Variants in KALRN observed in about 807,000 individuals in gnomAD.
KALRN encodes kalirin RhoGEF kinase.
KALRN carries 70 observed loss-of-function variants against 353.7 expected under a neutral mutation model. The observed-to-expected ratio is 0.20, with a 90% CI of 0.16 to 0.24. The LOEUF (loss-of-function observed/expected upper bound fraction) is 0.24, where lower values mean the gene tolerates loss of function less well. KALRN is among the 10% of genes least tolerant of loss of function. KALRN has a pLI of 1.00. For synonymous variants in KALRN, 1,391 were observed against 1,434.8 expected, an observed-to-expected ratio of 0.97 and a Z score of 0.69; for missense variants, 2,791 against 3,756.7, an observed-to-expected ratio of 0.74 and a Z score of 6.72.
chr3:124,375,132 AGGAGT>A (rs1261122847), intron 10 of KALRN, among the ~76,000 whole-genome samples: 1 of 152,132 alleles, frequency 6.6e-6, no homozygotes, highest in Non-Finnish European at 1.5e-5. Flanking sequence ...GGGTGACCAG[AGGAGT>A]GGAGATTATG....
chr3:124,358,199 A>G (rs1482022689), intron 10 of KALRN, among the ~76,000 whole-genome samples: 2 of 152,212 alleles, frequency 1.3e-5, no homozygotes, highest in African/African-American at 4.8e-5. Flanking sequence ...AAGCTAAAAA[A>G]AAATTCAGAT....
intron 6 of KALRN, among the ~76,000 whole-genome samples, chr3:124,299,558 G>C (rs2077102095): frequency 6.6e-6 from 1 of 152,168 alleles, no homozygotes; most frequent in Non-Finnish European, 1.5e-5. Context: ...AACACTCAGA[G>C]AGGGATGTTT....
Position 124,659,471 on chromosome 3 carries a change from A to G in KALRN, c.6216+14A>G, listed in dbSNP as rs756427570. 2 of 1,559,418 alleles carry G rather than the reference A, an allele frequency of 1.3e-6. No homozygotes were observed. Among genetic ancestry groups the G allele is most frequent in the Non-Finnish European group, 1.8e-6 (2 of 1,130,384 alleles). On this transcript the variant is annotated intron_variant, in intron 43 of 59. Transcript: ENST00000682506. ...TTGCTCCTCAAGGTAAGAAGCTGGG[A>G]GCCTGGGTGAGGGCTGGAGAAGGAT...
At chr3:124,665,553 C>G (rs566302585) in intron 45 of KALRN, among the ~76,000 whole-genome samples, 2 of 152,320 alleles carry the variant, frequency 1.3e-5, no homozygotes, top group Non-Finnish European at 2.9e-5. Context: ...CAACCTCTGC[C>G]TCCCAGGTTC....
chr3:124,034,225 G>A (rs1404984410), intron 1 of KALRN, among the ~76,000 whole-genome samples: 1 of 152,194 alleles, frequency 6.6e-6, no homozygotes, highest in Non-Finnish European at 1.5e-5. Context: ...GCCGCCCTGG[G>A]TCGGCACCCC....
intron 1 of KALRN, among the ~76,000 whole-genome samples, chr3:124,192,321 C>G (rs1268971023): frequency 6.6e-6 from 1 of 151,782 alleles, no homozygotes; most frequent in Non-Finnish European, 1.5e-5. Flanking sequence ...ATCTAAAAAT[C>G]AAAACAATTA....
At chr3:124,676,345 A>C (rs1309233480) in intron 49 of KALRN, among the ~76,000 whole-genome samples, 1 of 152,238 alleles carries the variant, frequency 6.6e-6, no homozygotes, top group South Asian at 2.1e-4. Context: ...GTCAGCATTT[A>C]CCAGTGGAGG....
chr3:124,413,129 T>G (rs2092293522), intron 13 of KALRN, among the ~76,000 whole-genome samples: 1 of 151,344 alleles, frequency 6.6e-6, no homozygotes, highest in African/African-American at 2.4e-5. Context: ...TCCTAGAATA[T>G]GGACCTGGAG....
chr3:124,650,880 C>A lies in KALRN; in HGVS notation c.5737C>A (p.Pro1913Thr). Residue 1913 changes from proline to threonine, a missense_variant, in exon 38 of 60, where the codon CCC becomes ACC. Coordinates refer to ENST00000682506, the MANE Select transcript of KALRN (RefSeq NM_001388419.1). ...AGCLNEGMAP[P>T]TPPKNPEEEQ... ...CTGCCTGAATGAGGGGATGGCCCCA[C>A]CCACACCTCCTAAAAACCCAGAAGA... 1.2e-6 allele frequency: 2 copies of A among 1,614,208 alleles called. No homozygotes were observed. The highest frequency in any genetic ancestry group is 8.5e-7 in the Non-Finnish European group (1 of 1,180,028).
intron 23 of KALRN, among the ~76,000 whole-genome samples, chr3:124,457,449 C>T (rs963257277): frequency 6.6e-6 from 1 of 152,174 alleles, no homozygotes; most frequent in Non-Finnish European, 1.5e-5. Context: ...AAAAACTTCC[C>T]ATAGCTTTCC....
In KALRN at chr3:124,384,917, G is replaced by A. The variant is rs765575292; in HGVS notation, c.1843G>A (p.Glu615Lys). The A allele has an allele frequency of 3.1e-6, 5 of 1,613,460 alleles. No individual in the cohort carries two copies. Among genetic ancestry groups the A allele is most frequent in the Non-Finnish European group, 3.4e-6 (4 of 1,179,760 alleles). Residue 615 changes from glutamate to lysine, a missense_variant, in exon 11 of 60, where the codon GAG becomes AAG. By Grantham distance (56) the Glu-to-Lys change is moderately conservative. Around this residue, in one of 11 missense-constraint regions of KALRN, gnomAD observed 452 missense variants for 575.8 expected, o/e 0.78. Transcript: ENST00000682506. ...GGCTCAGACGGGGGAATGTGACCCC[G>A]AGGAGATCTACAAGGCAGCTCGACA... The part of the protein sequence containing the change: ...QLAQTGECDP[E>K]EIYKAARHLE...
chr3:124,197,278 G>A (rs2075537429), intron 1 of KALRN, among the ~76,000 whole-genome samples: 1 of 152,152 alleles, frequency 6.6e-6, no homozygotes. Context: ...TTGGTTTCCT[G>A]AACATCCATG....
chr3:124,635,060 C>T (rs1308322390), intron 36 of KALRN, among the ~76,000 whole-genome samples: 3 of 152,168 alleles, frequency 2.0e-5, no homozygotes, highest in Non-Finnish European at 4.4e-5. Flanking sequence ...GTGGCAGCTG[C>T]CCCCATGATG....
chr3:124,282,307 G>T (rs2075415232), intron 5 of KALRN, among the ~76,000 whole-genome samples: 1 of 151,934 alleles, frequency 6.6e-6, no homozygotes, highest in African/African-American at 2.4e-5. Context: ...AAAAGTGAAA[G>T]AAGTGATTAT....
At chr3:124,240,531 C>G (rs2080304120) in intron 3 of KALRN, among the ~76,000 whole-genome samples, 1 of 152,124 alleles carries the variant, frequency 6.6e-6, no homozygotes. Flanking sequence ...CTGTGGCCTT[C>G]AGTGGAAGAT....
intron 45 of KALRN, among the ~76,000 whole-genome samples, chr3:124,662,534 A>G (rs765256393): frequency 6.6e-6 from 1 of 152,152 alleles, no homozygotes; most frequent in Non-Finnish European, 1.5e-5. Context: ...ATGTGATAGA[A>G]GTGGAATTAG....
intron 4 of KALRN, among the ~76,000 whole-genome samples, chr3:124,265,295 A>ATTGTTTTTTTTTTTTTT (rs1465968614): frequency 1.6e-5 from 1 of 61,094 alleles, no homozygotes; most frequent in African/African-American, 6.4e-5. Context: ...TTAAGAAAAT[A>ATTGTTTTTTTTTTTTTT]TTCTTTTTTT....
In KALRN at chr3:124,720,010, A is replaced by T. The variant is rs1474098347; in HGVS notation, c.*540A>T. 1 of 152,566 alleles carries T rather than the reference A, an allele frequency of 6.6e-6. No homozygotes were observed. The highest frequency in any genetic ancestry group is 1.5e-5 in the Non-Finnish European group (1 of 68,180). The allele number at this position is 152,566 out of a possible 1,614,324, so 9.5% of individuals were successfully genotyped here. A position where few individuals can be genotyped will look rare whatever the true frequency, so the allele number is the denominator to read the frequency against. On this transcript the variant is annotated 3_prime_UTR_variant, in exon 60 of 60. Coordinates refer to ENST00000682506, the MANE Select transcript of KALRN (RefSeq NM_001388419.1). The stretch of plus-strand genomic sequence containing the variant: ...TAGAGATATATATATTAAATCAATC[A>T]CAAGTAATTTTGAGTGCTCCAGTTA...
intron 1 of KALRN, among the ~76,000 whole-genome samples, chr3:124,087,420 A>G (rs970387421): frequency 2.0e-5 from 3 of 152,216 alleles, no homozygotes; most frequent in Admixed American, 1.3e-4. Context: ...ATTAATAAAT[A>G]GATGTGGTTC....
Sources: gnomAD v4.1 joint callset for allele counts (sites outside exome capture counted in the v4.1 genomes callset) on GRCh38, gnomAD v4.1.1 for gene constraint, gnomAD v4.1.1 regional missense constraint, MANE v1.5 for transcripts, NCBI Gene and HGNC (gene_info 2026-07-23, HGNC 2026-07-21) for gene names.